The following ZNF462 variants were observed in gnomAD, a reference collection of about 807,000 sequenced individuals.
ZNF462 encodes the protein zinc finger PBX1-interacting protein.
In ZNF462, 10 loss-of-function variants were observed where a neutral mutation model predicts 201.9. The ratio of observed to expected loss-of-function variants is 0.05; its 90% CI spans 0.03 to 0.08. The LOEUF is 0.08. Ranked by LOEUF, ZNF462 falls within the 10% of genes least tolerant of loss-of-function variation. The probability of loss-of-function intolerance (pLI) is 1.00; values close to 1 mark genes in which losing one functional copy is unlikely to be tolerated. For synonymous variants in ZNF462, 1,227 were observed against 1,193.3 expected (o/e 1.03, Z -0.58); for missense variants, 2,523 against 3,168.3 (o/e 0.80, Z 4.89).
Position 106,962,749 on chromosome 9 carries a change from C to T in ZNF462, c.6428-9256C>T, listed in dbSNP as rs1831897841. Reference sequence around the variant, plus strand: ...TGTTTCCTTCAAGTTTGGCCTCAACCTTATTTTCAGGATTAGGCGTTTGTT... The same window carrying T: ...TGTTTCCTTCAAGTTTGGCCTCAACTTTATTTTCAGGATTAGGCGTTTGTT... On this transcript the variant is annotated intron_variant, in intron 7 of 12. Coordinates refer to ENST00000277225, the MANE Select transcript of ZNF462 (RefSeq NM_021224.6). The surrounding 1 kb of genome is among the most constrained non-coding windows in gnomAD (Gnocchi z 4.6). Among the ~76,000 whole-genome samples, 1 of 151,930 alleles carries T rather than the reference C, an allele frequency of 6.6e-6. No homozygotes were observed.
At chr9:106,994,070 TA>T (rs1828501300) in intron 10 of ZNF462, among the ~76,000 whole-genome samples, 1 of 152,184 alleles carries the variant, frequency 6.6e-6, no homozygotes, top group Admixed American at 6.6e-5. Flanking sequence ...TTAAGGAACA[TA>T]AAAATATATT....
chr9:106,971,375 A>AAAAC (rs1554713163), intron 7 of ZNF462, among the ~76,000 whole-genome samples: 6 of 151,274 alleles, frequency 4.0e-5, no homozygotes, highest in African/African-American at 1.5e-4. Context: ...TTAAAAAAAA[A>AAAAC]AACAACAACA....
At position 106,900,836 on chromosome 9, in the gene ZNF462, T is replaced by G. The variant is rs555716302; in HGVS notation, c.-30-22518T>G. 2.6e-5 allele frequency among the ~76,000 whole-genome samples: 4 copies of G among 152,300 alleles called. No homozygotes were observed. The East Asian group carries it at 7.7e-4, about 29-fold the overall frequency. On this transcript the variant is annotated intron_variant, in intron 1 of 12. Coordinates refer to ENST00000277225, the MANE Select transcript of ZNF462 (RefSeq NM_021224.6). The stretch of plus-strand genomic sequence containing the variant: ...ATGATTTTTCTCCTACTCTGTGGGT[T>G]GTCTGTTTACTTTGCTGACTCTTCC...
At chr9:106,971,397 C>CA (rs1019837169) in intron 7 of ZNF462, among the ~76,000 whole-genome samples, 17 of 150,304 alleles carry the variant, frequency 1.1e-4, no homozygotes, top group African/African-American at 3.7e-4. Context: ...CAAAATAAAA[C>CA]AAAAAAACGG....
At chr9:106,994,086 C>T (rs1395435165) in intron 10 of ZNF462, among the ~76,000 whole-genome samples, 1 of 152,126 alleles carries the variant, frequency 6.6e-6, no homozygotes, top group African/African-American at 2.4e-5. Context: ...TATATTATCT[C>T]TAACTTGGTC....
chr9:106,861,347 T>C (rs1474114578), upstream of ZNF462, among the ~76,000 whole-genome samples: 2 of 152,090 alleles, frequency 1.3e-5, no homozygotes, highest in African/African-American at 2.4e-5. Context: ...TATGGATTTA[T>C]AGGTATATAT....
intron 1 of ZNF462, among the ~76,000 whole-genome samples, chr9:106,908,985 C>T (rs1266488073): frequency 1.5e-5 from 1 of 67,118 alleles, no homozygotes; most frequent in Non-Finnish European, 2.6e-5. Flanking sequence ...TTTTTTGAGA[C>T]TGGGTCTCAC....
intron 1 of ZNF462, among the ~76,000 whole-genome samples, chr9:106,912,773 A>G (rs993617628): frequency 9.2e-5 from 14 of 152,186 alleles, no homozygotes; most frequent in Admixed American, 8.5e-4. Flanking sequence ...TGATGAACCT[A>G]TTGATGGTTA....
At chr9:106,967,426 AT>A (rs11395463) in intron 7 of ZNF462, among the ~76,000 whole-genome samples, 1 of 151,534 alleles carries the variant, frequency 6.6e-6, no homozygotes, top group Non-Finnish European at 1.5e-5. Context: ...TGATTGTTTC[AT>A]TTTTTTCTCT....
intron 9 of ZNF462, among the ~76,000 whole-genome samples, chr9:106,980,046 C>T (rs1451246330): frequency 2.0e-5 from 3 of 152,096 alleles, no homozygotes; most frequent in African/African-American, 7.2e-5. Context: ...AGTGAGATTG[C>T]CAATCTTTAA....
chr9:106,877,000 T>G lies in ZNF462; in HGVS notation c.-31+13645T>G, dbSNP rs1456559193. On this transcript the variant is annotated intron_variant, in intron 1 of 12. Transcript: ENST00000277225. The surrounding 1 kb of genome is among the most constrained non-coding windows in gnomAD (Gnocchi z 4.9). Reference sequence around the variant, plus strand: ...ATAGTCCACATCTACTTGGTCTTACTAATGTACTATAATATCAGATGCTTT... The same window carrying G: ...ATAGTCCACATCTACTTGGTCTTACGAATGTACTATAATATCAGATGCTTT... Among the ~76,000 whole-genome samples the G allele has an allele frequency of 7.2e-5, 11 of 152,226 alleles. No homozygotes were observed. Among genetic ancestry groups the G allele is most frequent in the Admixed American group, 7.2e-4 (11 of 15,282 alleles).
chr9:106,895,528 G>C lies in ZNF462; in HGVS notation c.-30-27826G>C, dbSNP rs1053352669. Among the ~76,000 whole-genome samples the C allele has an allele frequency of 6.6e-6, 1 of 152,108 alleles. No homozygotes were observed. The highest frequency in any genetic ancestry group is 1.5e-5 in the Non-Finnish European group (1 of 68,022). On this transcript the variant is annotated intron_variant, in intron 1 of 12. Coordinates refer to ENST00000277225, the MANE Select transcript of ZNF462 (RefSeq NM_021224.6). The surrounding 1 kb of genome is among the most constrained non-coding windows in gnomAD (Gnocchi z 4.4). ...ATAATCTTGATAGGGCACAGCTTTC[G>C]TTATATCACATTGCCCTGATTAAGG... is the stretch of plus-strand genomic sequence containing the variant.
chr9:106,881,177 G>A (rs1828079327), intron 1 of ZNF462, among the ~76,000 whole-genome samples: 2 of 152,136 alleles, frequency 1.3e-5, no homozygotes, highest in African/African-American at 4.8e-5. Context: ...CAGTGTTTGG[G>A]CCCTCTGAGA....
In ZNF462 at chr9:106,981,618, A is replaced by G. The variant is rs1827438446; in HGVS notation, c.6833-2568A>G. On this transcript the variant is annotated intron_variant, in intron 9 of 12. Coordinates refer to ENST00000277225, the MANE Select transcript of ZNF462 (RefSeq NM_021224.6). This position sits in a 1 kb window ranked among gnomAD's most constrained non-coding sequence, Gnocchi z 4.0. The stretch of plus-strand genomic sequence containing the variant: ...ATAGTCTGCAGTGGTGTTCACATGA[A>G]TAATTACTTGAACTTCAGGGTGTTA... Among the ~76,000 whole-genome samples the G allele has an allele frequency of 6.6e-6, 1 of 152,222 alleles. No homozygotes were observed.
At position 106,925,340 on chromosome 9, in the gene ZNF462, G is replaced by T; in HGVS notation, c.1428G>T (p.Pro476=). 6.2e-7 allele frequency: 1 copy of T among 1,614,174 alleles called. No homozygotes were observed. The highest frequency in any genetic ancestry group is 8.5e-7 in the Non-Finnish European group (1 of 1,180,034). The change falls in exon 3 of 13, where the codon CCG becomes CCT. Residue 476 remains proline, a synonymous_variant. Transcript: ENST00000277225. The surrounding 1 kb of genome is among the most constrained non-coding windows in gnomAD (Gnocchi z 7.9). ...KTAVYKCDEC[P]FTCKSSLKLG... ...CTGTCTACAAATGTGACGAATGTCC[G>T]TTTACTTGCAAGAGCTCGTTGAAAC...
In ZNF462 at chr9:106,978,359, T is replaced by C. The variant is rs1827169156; in HGVS notation, c.6832+4086T>C. ...GAATAGGAAGCATACCAGAGAAGTATGTTCTGGCCAAAGTATGAAGCGCCT... is the reference window on the plus strand; with the variant it reads ...GAATAGGAAGCATACCAGAGAAGTACGTTCTGGCCAAAGTATGAAGCGCCT... On this transcript the variant is annotated intron_variant, in intron 9 of 12. Coordinates refer to ENST00000277225, the MANE Select transcript of ZNF462 (RefSeq NM_021224.6). The surrounding 1 kb of genome is among the most constrained non-coding windows in gnomAD (Gnocchi z 4.1). 6.6e-6 allele frequency among the ~76,000 whole-genome samples: 1 copy of C among 151,650 alleles called. No individual in the cohort carries two copies. The highest frequency in any genetic ancestry group is 2.4e-5 in the African/African-American group (1 of 40,908).
chr9:106,934,222 G>A (rs1830536594), intron 5 of ZNF462, among the ~76,000 whole-genome samples: 1 of 150,804 alleles, frequency 6.6e-6, no homozygotes, highest in Non-Finnish European at 1.5e-5. Context: ...ATTTGCCCAA[G>A]GACACACAGC....
At position 106,886,680 on chromosome 9, in the gene ZNF462, T is replaced by A. The variant is rs1828333069; in HGVS notation, c.-31+23325T>A. On this transcript the variant is annotated intron_variant, in intron 1 of 12. Coordinates refer to ENST00000277225, the MANE Select transcript of ZNF462 (RefSeq NM_021224.6). This position sits in a 1 kb window ranked among gnomAD's most constrained non-coding sequence, Gnocchi z 4.6. ...CAGCTCTGGAAAGGCTGAAATGATGTGTCCAAAGTCCACAATGTAGGAAGT... is the reference window on the plus strand; with the variant it reads ...CAGCTCTGGAAAGGCTGAAATGATGAGTCCAAAGTCCACAATGTAGGAAGT... Among the ~76,000 whole-genome samples the A allele has an allele frequency of 6.6e-6, 1 of 152,194 alleles. No homozygotes were observed. The highest frequency in any genetic ancestry group is 2.4e-5 in the African/African-American group (1 of 41,454).
At position 106,925,449 on chromosome 9, in the gene ZNF462, C is replaced by G. The variant is rs1830150986; in HGVS notation, c.1537C>G (p.Leu513Val). 6.2e-7 allele frequency: 1 copy of G among 1,614,194 alleles called. No homozygotes were observed. Among genetic ancestry groups the G allele is most frequent in the Non-Finnish European group, 8.5e-7 (1 of 1,180,050 alleles). ...NSQSESISSS[L>V]NEGVVSYESS... The stretch of plus-strand genomic sequence containing the variant: ...CCAGAGTGAAAGCATTTCTTCCTCA[C>G]TGAATGAAGGTGTGGTGTCTTATGA... Residue 513 changes from leucine to valine, a missense_variant, in exon 3 of 13, where the codon CTG (leucine) becomes GTG (valine). Physicochemically the swap from Leu to Val is conservative, Grantham distance 32. Coordinates refer to ENST00000277225, the MANE Select transcript of ZNF462 (RefSeq NM_021224.6). This position sits in a 1 kb window ranked among gnomAD's most constrained non-coding sequence, Gnocchi z 7.9.
Sources: allele counts gnomAD v4.1 joint callset (sites outside exome capture counted in the v4.1 genomes callset), GRCh38; gene constraint gnomAD v4.1.1; non-coding constraint Gnocchi (gnomAD v3.1); transcripts MANE v1.5; gene names NCBI Gene and HGNC (gene_info 2026-07-23, HGNC 2026-07-21).